SMYD3: variants seen among roughly 807,000 people sequenced by gnomAD.
SMYD3 encodes the protein SET and MYND domain containing 3, also known as histone-lysine N-methyltransferase SMYD3.
In SMYD3, 36 loss-of-function variants were observed where a neutral mutation model predicts 57.7. The observed-to-expected ratio is 0.62, with a 90% CI of 0.48 to 0.82. SMYD3 has a LOEUF of 0.82. Among genes scored for constraint, SMYD3 ranks in the 40% least tolerant of loss-of-function variants. SMYD3 has a pLI of 0.00. For synonymous variants in SMYD3, 211 were observed against 195.0 expected, an observed-to-expected ratio of 1.08 and a Z score of -0.68; for missense variants, 515 against 538.8, an observed-to-expected ratio of 0.96 and a Z score of 0.44.
In SMYD3 at chr1:246,327,238, A is replaced by T; in HGVS notation, c.494T>A (p.Leu165Gln). The stretch of plus-strand genomic sequence containing the variant: ...TTCAAAAAGGTCAAAGGCAGGTGGC[A>T]GCTGAGAGGCATCCTGTATTTCTTC... Reference protein sequence around the residue: ...MREEIQDASQLPPAFDLFEAF... With the variant: ...MREEIQDASQQPPAFDLFEAF... The change falls in exon 5 of 12, where the codon CTG becomes CAG. Residue 165 changes from leucine to glutamine, a missense_variant. Physicochemically the swap from Leu to Gln is moderately radical, Grantham distance 113. Transcript: ENST00000490107. 1 of 1,614,190 alleles carries T rather than the reference A, an allele frequency of 6.2e-7. No individual in the cohort carries two copies. Among genetic ancestry groups the T allele is most frequent in the East Asian group, 2.2e-5 (1 of 44,876 alleles).
chr1:246,140,361 G>A (rs1276986063), intron 5 of SMYD3, among the ~76,000 whole-genome samples: 1 of 152,030 alleles, frequency 6.6e-6, no homozygotes, highest in Non-Finnish European at 1.5e-5. Flanking sequence ...TATTCTTTGG[G>A]ACTAAGAAAA....
chr1:246,405,447 G>A lies in SMYD3; in HGVS notation c.165-50353C>T, dbSNP rs938868937. On this transcript the variant is annotated intron_variant, in intron 1 of 11. Coordinates refer to ENST00000490107, the MANE Select transcript of SMYD3 (RefSeq NM_001167740.2). ...CCACTTTTAAAACAAAACCAAAACC[G>A]CCACCAGCATGCTGAACATCAAAAT... Among the ~76,000 whole-genome samples the A allele has an allele frequency of 4.8e-4, 73 of 152,152 alleles. 1 individual carries two copies. Among genetic ancestry groups the A allele is most frequent in the African/African-American group, 1.8e-3 (73 of 41,512 alleles).
chr1:246,161,589 C>T (rs1296596144), intron 5 of SMYD3, among the ~76,000 whole-genome samples: 1 of 152,182 alleles, frequency 6.6e-6, no homozygotes, highest in Non-Finnish European at 1.5e-5. Context: ...TATTAATTTA[C>T]TTTTCTTTCT....
At chr1:246,225,766 T>C (rs2063322140) in intron 5 of SMYD3, among the ~76,000 whole-genome samples, 2 of 152,236 alleles carry the variant, frequency 1.3e-5, no homozygotes, top group South Asian at 4.1e-4. Flanking sequence ...TCTCCATATT[T>C]TTCTGCCAAA....
intron 5 of SMYD3, among the ~76,000 whole-genome samples, chr1:245,990,252 G>C (rs2058788172): frequency 6.6e-6 from 1 of 151,974 alleles, no homozygotes; most frequent in Non-Finnish European, 1.5e-5. Context: ...ACCACACCTG[G>C]ACAATTTTTT....
chr1:246,293,459 T>C (rs1245257742), intron 5 of SMYD3, among the ~76,000 whole-genome samples: 1 of 152,126 alleles, frequency 6.6e-6, no homozygotes, highest in East Asian at 1.9e-4. Context: ...AGTTAAAAAA[T>C]TAGAGGACTG....
intron 5 of SMYD3, among the ~76,000 whole-genome samples, chr1:246,138,744 A>C (rs2061705612): frequency 6.6e-6 from 1 of 152,110 alleles, no homozygotes. Context: ...TTTTTAAAAA[A>C]AGTTTAAATA....
intron 10 of SMYD3, among the ~76,000 whole-genome samples, chr1:245,768,122 A>T (rs2046192278): frequency 6.6e-6 from 1 of 152,200 alleles, no homozygotes; most frequent in Non-Finnish European, 1.5e-5. Context: ...CAACAAAATC[A>T]TTCAACAAGG....
rs537958012 is a variant in SMYD3, at chr1:245,918,727, T to C, written c.703-3087A>G. On this transcript the variant is annotated intron_variant, in intron 7 of 11. Coordinates refer to ENST00000490107, the MANE Select transcript of SMYD3 (RefSeq NM_001167740.2). ...TACTATCAGGCTCTGTGGGTCCCAG[T>C]TTCCTTACAGGAGGTGAGGTAGCAA... 5.9e-5 allele frequency among the ~76,000 whole-genome samples: 9 copies of C among 152,326 alleles called. No individual in the cohort carries two copies. In the South Asian group the frequency reaches 1.9e-3, roughly 32 times the overall value.
Position 246,106,486 on chromosome 1 carries a change from C to A in SMYD3, c.532-176549G>T, listed in dbSNP as rs564188366. ...TAAACAGCAAGGCGAGTAAACTGATCGCCTCTGTATCTGCCAACTGAACAA... is the reference window on the plus strand; with the variant it reads ...TAAACAGCAAGGCGAGTAAACTGATAGCCTCTGTATCTGCCAACTGAACAA... On this transcript the variant is annotated intron_variant, in intron 5 of 11. Transcript: ENST00000490107. Among the ~76,000 whole-genome samples, 5 of 145,176 alleles carry A rather than the reference C, an allele frequency of 3.4e-5. No homozygotes were observed. The South Asian group carries it at 1.2e-3, about 34-fold the overall frequency.
At chr1:246,173,684 T>A (rs1490163609) in intron 5 of SMYD3, among the ~76,000 whole-genome samples, 2 of 152,096 alleles carry the variant, frequency 1.3e-5, no homozygotes, top group Non-Finnish European at 2.9e-5. Context: ...CACCTCCATA[T>A]CAGATCTCAC....
intron 7 of SMYD3, among the ~76,000 whole-genome samples, chr1:245,923,277 C>T (rs2056116365): frequency 6.6e-6 from 1 of 151,260 alleles, no homozygotes; most frequent in Non-Finnish European, 1.5e-5. Flanking sequence ...AAAACAGTAA[C>T]ATTTGTAAAC....
chr1:245,832,335 G>A (rs2049884155), intron 10 of SMYD3, among the ~76,000 whole-genome samples: 1 of 152,196 alleles, frequency 6.6e-6, no homozygotes, highest in South Asian at 2.1e-4. Flanking sequence ...CAGCAAACAG[G>A]ATGGAGCAAT....
intron 1 of SMYD3, among the ~76,000 whole-genome samples, chr1:246,492,864 G>T (rs1300220390): frequency 2.6e-5 from 4 of 152,194 alleles, no homozygotes; most frequent in African/African-American, 9.7e-5. Context: ...TGAACTGGAA[G>T]GGATTTCTAA....
chr1:246,306,991 T>G (rs1442329979), intron 5 of SMYD3, among the ~76,000 whole-genome samples: 1 of 142,540 alleles, frequency 7.0e-6, no homozygotes, highest in Non-Finnish European at 1.5e-5. Flanking sequence ...TTCTTAAGAA[T>G]GAAAAAAAAA....
chr1:246,153,420 G>T (rs972350776), intron 5 of SMYD3, among the ~76,000 whole-genome samples: 1 of 149,512 alleles, frequency 6.7e-6, no homozygotes, highest in African/African-American at 2.5e-5. Context: ...AAGGAGGGAG[G>T]GAGGGAGGGA....
At chr1:245,867,553 G>A (rs1226938324) in intron 8 of SMYD3, among the ~76,000 whole-genome samples, 2 of 152,232 alleles carry the variant, frequency 1.3e-5, no homozygotes, top group East Asian at 3.9e-4. Context: ...CACTGTTCTA[G>A]GCAGTAGGGA....
At chr1:245,856,477 T>C (rs999231639) in intron 10 of SMYD3, among the ~76,000 whole-genome samples, 15 of 152,162 alleles carry the variant, frequency 9.9e-5, no homozygotes, top group Non-Finnish European at 2.9e-5. Flanking sequence ...ACCATGTAAA[T>C]ATAACCAAAC....
chr1:246,170,472 C>T (rs1278587770), intron 5 of SMYD3, among the ~76,000 whole-genome samples: 2 of 149,800 alleles, frequency 1.3e-5, no homozygotes, highest in Non-Finnish European at 3.0e-5. Flanking sequence ...ACAAGGATTG[C>T]TATGAATAAT....
Sources: allele counts gnomAD v4.1 joint callset (sites outside exome capture counted in the v4.1 genomes callset), GRCh38; gene constraint gnomAD v4.1.1; transcripts MANE v1.5; gene names NCBI Gene and HGNC (gene_info 2026-07-23, HGNC 2026-07-21).